Variants in FLI1 observed in about 807,000 individuals in gnomAD.
The protein encoded by FLI1 is Fli-1 proto-oncogene, ETS transcription factor, also known as Friend leukemia integration 1 transcription factor.
FLI1 carries 13 observed loss-of-function variants against 53.1 expected under a neutral mutation model. The ratio of observed to expected loss-of-function variants is 0.24; its 90% CI spans 0.16 to 0.39. The LOEUF (loss-of-function observed/expected upper bound fraction) is 0.39. FLI1 is among the 10% of genes least tolerant of loss of function. FLI1 has a pLI of 1.00. For synonymous variants in FLI1, 244 were observed against 236.7 expected (o/e 1.03, Z -0.28); for missense variants, 424 against 600.5 (o/e 0.71, Z 3.07).
At chr11:128,768,581 C>T in intron 3 of FLI1, 2 of 315,272 alleles carry the variant, frequency 6.3e-6, no homozygotes, top group Non-Finnish European at 1.2e-5. Context: ...CCCAGCTACT[C>T]AGGGGGCTGA....
intron 5 of FLI1, among the ~76,000 whole-genome samples, chr11:128,798,079 C>A: frequency 6.6e-6 from 1 of 152,184 alleles, no homozygotes; most frequent in African/African-American, 2.4e-5. Context: ...GTATAAACTG[C>A]CTCTCATTTA....
chr11:128,718,175 G>T lies in FLI1; in HGVS notation c.18+23899G>T, dbSNP rs540639328. Among the ~76,000 whole-genome samples, 6 of 152,320 alleles carry T rather than the reference G, an allele frequency of 3.9e-5. No homozygotes were observed. The South Asian group carries it at 1.0e-3, about 26-fold the overall frequency. On this transcript the variant is annotated intron_variant, in intron 1 of 8. Transcript: ENST00000527786. ...AGCAACTAACACTTACTTTATGTTT[G>T]TCATTTGCAAACCCTATCATGTCCG...
intron 1 of FLI1, among the ~76,000 whole-genome samples, chr11:128,711,599 G>T (rs1938786787): frequency 6.6e-6 from 1 of 152,178 alleles, no homozygotes; most frequent in Non-Finnish European, 1.5e-5. Flanking sequence ...GAAAGGTATG[G>T]GCTTTGCCCT....
chr11:128,706,874 A>G (rs1045822711), intron 1 of FLI1, among the ~76,000 whole-genome samples: 1 of 152,238 alleles, frequency 6.6e-6, no homozygotes, highest in East Asian at 1.9e-4. Context: ...GGTAAACAAC[A>G]AAACAAATGT....
At position 128,811,314 on chromosome 11, in the gene FLI1, T is replaced by C. The variant is rs1942930806; in HGVS notation, c.*326T>C. The stretch of plus-strand genomic sequence containing the variant: ...TGAGAAAGAAGCTGTACGTTTTCTT[T>C]ATGTTTTTATGACCAAAGCAGTTTC... On this transcript the variant is annotated 3_prime_UTR_variant, in exon 9 of 9. Transcript: ENST00000527786. The C allele has an allele frequency of 5.0e-6, 2 of 403,150 alleles. No homozygotes were observed. The highest frequency in any genetic ancestry group is 9.0e-6 in the Non-Finnish European group (2 of 223,092). 25.0% of individuals were successfully genotyped at this position (403,150 alleles called of 1,614,324 possible).
At chr11:128,776,505 G>T (rs180887334) in intron 4 of FLI1, among the ~76,000 whole-genome samples, 90 of 152,308 alleles carry the variant, frequency 5.9e-4, no homozygotes, top group Non-Finnish European at 4.4e-5. Flanking sequence ...ACAAAAATGA[G>T]CCAGGTGTGG....
chr11:128,722,367 T>C (rs1471751107), intron 1 of FLI1, among the ~76,000 whole-genome samples: 2 of 152,134 alleles, frequency 1.3e-5, no homozygotes, highest in African/African-American at 4.8e-5. Flanking sequence ...GAGGAGGATG[T>C]TCAGGCAAGG....
intron 5 of FLI1, among the ~76,000 whole-genome samples, chr11:128,802,171 C>A (rs938237984): frequency 2.0e-5 from 3 of 152,204 alleles, no homozygotes; most frequent in Non-Finnish European, 2.9e-5. Flanking sequence ...GTTCTTCATA[C>A]CCCTAGGGCA....
chr11:128,789,703 T>G (rs939627619), intron 5 of FLI1, among the ~76,000 whole-genome samples: 2 of 152,160 alleles, frequency 1.3e-5, no homozygotes, highest in African/African-American at 4.8e-5. Flanking sequence ...TGTGTGTCTG[T>G]GCAGGAGGGC....
chr11:128,768,758 C>T (rs1205021801), intron 3 of FLI1, among the ~76,000 whole-genome samples: 1 of 152,064 alleles, frequency 6.6e-6, no homozygotes, highest in East Asian at 1.9e-4. Flanking sequence ...AGGCAGTATC[C>T]CAGATGTCAC....
At chr11:128,778,088 T>G (rs1941797120) in intron 4 of FLI1, among the ~76,000 whole-genome samples, 2 of 152,190 alleles carry the variant, frequency 1.3e-5, no homozygotes, top group South Asian at 4.1e-4. Context: ...ACTTTATGCT[T>G]TTTAGAGCAA....
chr11:128,704,460 A>G (rs1938471580), intron 1 of FLI1, among the ~76,000 whole-genome samples: 1 of 152,120 alleles, frequency 6.6e-6, no homozygotes, highest in Non-Finnish European at 1.5e-5. Flanking sequence ...CTTTTCCGAA[A>G]TTTGGTCTCA....
chr11:128,722,158 G>C (rs1436362866), intron 1 of FLI1, among the ~76,000 whole-genome samples: 1 of 152,156 alleles, frequency 6.6e-6, no homozygotes, highest in Non-Finnish European at 1.5e-5. Flanking sequence ...AAATGTAAAA[G>C]TTACCCCCTG....
intron 1 of FLI1, among the ~76,000 whole-genome samples, chr11:128,731,400 CTAACGGTCTGCTCGTG>C: frequency 6.6e-6 from 1 of 152,092 alleles, no homozygotes; most frequent in East Asian, 1.9e-4. Context: ...GTGTGCTTGT[CTAACGGTCTGCTCGTG>C]TAACTTTTGC....
chr11:128,723,055 A>C (rs1187815156), intron 1 of FLI1, among the ~76,000 whole-genome samples: 1 of 152,096 alleles, frequency 6.6e-6, no homozygotes, highest in African/African-American at 2.4e-5. Context: ...GAAAGAGGGC[A>C]AGCTAGCTCT....
Position 128,810,799 on chromosome 11 carries a change from C to T in FLI1, c.1170C>T (p.Ser390=), listed in dbSNP as rs2135925583. Residue 390 remains serine (S), a synonymous_variant, in exon 9 of 9, where the codon TCC becomes TCT. Transcript: ENST00000527786. This position sits in a 1 kb window ranked among gnomAD's most constrained non-coding sequence, Gnocchi z 6.6. The stretch of plus-strand genomic sequence containing the variant: ...CTTCTGACATCTCCTACATGCCTTC[C>T]TACCATGCCCACCAGCAGAAGGTGA... ...KYPSDISYMP[S]YHAHQQKVNF... is the part of the protein sequence containing the mutation. The T allele has an allele frequency of 1.2e-6, 2 of 1,614,042 alleles. No individual in the cohort carries two copies. Among genetic ancestry groups the T allele is most frequent in the African/African-American group, 1.3e-5 (1 of 75,060 alleles).
chr11:128,724,765 G>A lies in FLI1; in HGVS notation c.18+30489G>A, dbSNP rs149493627. Among the ~76,000 whole-genome samples, 321 of 152,266 alleles carry A rather than the reference G, an allele frequency of 2.1e-3. 7 individuals are homozygous for A. The East Asian group carries it at 0.038, about 18-fold the overall frequency. On this transcript the variant is annotated intron_variant, in intron 1 of 8. Transcript: ENST00000527786. ...AGGAGAGGCACAAGGGTTTATGGAG[G>A]TAGAGATTCCCAGTGTCCCAGATTT... is the stretch of plus-strand genomic sequence containing the variant.
chr11:128,688,838 G>A (rs2135674975), intron 1 of FLI1, among the ~76,000 whole-genome samples: 1 of 152,300 alleles, frequency 6.6e-6, no homozygotes, highest in South Asian at 2.1e-4. Flanking sequence ...CTACCTCTCA[G>A]ATCTTACCTT....
intron 6 of FLI1, chr11:128,806,503 C>T (rs1737163489): frequency 6.6e-6 from 1 of 152,198 alleles, no homozygotes; most frequent in South Asian, 2.1e-4. Flanking sequence ...AGGTAAGAAA[C>T]AGAATTGTAA....
Sources: allele counts gnomAD v4.1 joint callset (sites outside exome capture counted in the v4.1 genomes callset), GRCh38; gene constraint gnomAD v4.1.1; non-coding constraint Gnocchi (gnomAD v3.1); transcripts MANE v1.5; gene names NCBI Gene and HGNC (gene_info 2026-07-23, HGNC 2026-07-21).